Variants in FILIP1 observed in about 807,000 individuals in gnomAD.
FILIP1 encodes the protein filamin-A-interacting protein 1.
In FILIP1, 61 loss-of-function variants were observed where a neutral mutation model predicts 102.1. The ratio of observed to expected loss-of-function variants is 0.60; its 90% CI spans 0.49 to 0.74. The LOEUF is 0.74. Ranked by LOEUF, FILIP1 falls within the 30% of genes least tolerant of loss-of-function variation. FILIP1 has a pLI of 0.00. For missense variants in FILIP1, 1,314 were observed against 1,441.2 expected (o/e 0.91, Z 1.43); for synonymous variants, 491 against 526.9 (o/e 0.93, Z 0.93).
intron 1 of FILIP1, among the ~76,000 whole-genome samples, chr6:75,419,291 C>G (rs1161369652): frequency 6.6e-6 from 1 of 152,034 alleles, no homozygotes; most frequent in African/African-American, 2.4e-5. Context: ...CAACATTGGT[C>G]AAAATACTCC....
intron 2 of FILIP1, among the ~76,000 whole-genome samples, chr6:75,378,539 G>A (rs1029254421): frequency 6.6e-6 from 1 of 152,146 alleles, no homozygotes; most frequent in African/African-American, 2.4e-5. Flanking sequence ...TTAGCATCCC[G>A]AATCTCTCAG....
At chr6:75,421,195 A>G (rs1427460542) in intron 1 of FILIP1, among the ~76,000 whole-genome samples, 2 of 152,184 alleles carry the variant, frequency 1.3e-5, no homozygotes, top group Non-Finnish European at 2.9e-5. Context: ...GAAACAAAAG[A>G]TGACAGAGAA....
rs974803954 is a variant in FILIP1 at position 75,313,656 on chromosome 6, C to G, written c.2176G>C (p.Ala726Pro). The G allele has an allele frequency of 1.9e-6, 3 of 1,580,050 alleles. No individual in the cohort carries two copies. The African/African-American group carries it at 4.1e-5, about 22-fold the overall frequency. Residue 726 changes from alanine (A) to proline (P), a missense_variant, in exon 5 of 6, where the codon GCT (alanine) becomes CCT (proline). Ala to Pro is a conservative substitution (Grantham distance 27). Around this residue, in one of 3 missense-constraint regions of FILIP1, gnomAD observed 816 missense variants for 913.1 expected, o/e 0.89. Coordinates refer to ENST00000237172, the MANE Select transcript of FILIP1 (RefSeq NM_015687.5). This position sits in a 1 kb window ranked among gnomAD's most constrained non-coding sequence, Gnocchi z 4.2. The part of the protein sequence containing the change: ...KSRDLKAEVQ[A>P]LKEKIHELMN... Reference sequence around the variant, plus strand: ...AATTCGTGAATCTTCTCTTTAAGAGCTTGTACTTCGGCTTTTAAGTCTCGA... The same window carrying G: ...AATTCGTGAATCTTCTCTTTAAGAGGTTGTACTTCGGCTTTTAAGTCTCGA...
intron 1 of FILIP1, among the ~76,000 whole-genome samples, chr6:75,432,919 C>T (rs921349246): frequency 6.6e-6 from 1 of 151,980 alleles, no homozygotes. Flanking sequence ...TGAGTGAGAA[C>T]ATGTGGTGTT....
At chr6:75,345,672 T>C (rs1264438671) in intron 4 of FILIP1, among the ~76,000 whole-genome samples, 11 of 152,170 alleles carry the variant, frequency 7.2e-5, no homozygotes, top group Admixed American at 7.2e-4. Context: ...AATCAGACAC[T>C]GCCTCCTCAA....
At chr6:75,395,194 T>C (rs1470406776) in intron 2 of FILIP1, among the ~76,000 whole-genome samples, 2 of 152,212 alleles carry the variant, frequency 1.3e-5, no homozygotes, top group African/African-American at 4.8e-5. Context: ...TAGTATATGC[T>C]TCCATATATT....
chr6:75,333,670 C>T (rs938412746), intron 4 of FILIP1, among the ~76,000 whole-genome samples: 6 of 152,110 alleles, frequency 3.9e-5, no homozygotes, highest in Non-Finnish European at 8.8e-5. Context: ...TTCTATAAAA[C>T]GGGTCATGTG....
chr6:75,319,181 A>G, intron 4 of FILIP1: 1 of 733,612 alleles, frequency 1.4e-6, no homozygotes, highest in South Asian at 1.4e-5. Flanking sequence ...TTAGCTTGAT[A>G]TGCAGCAATA....
chr6:75,297,408 T>TC (rs774359412), intron 6 of FILIP1, among the ~76,000 whole-genome samples: 9 of 152,178 alleles, frequency 5.9e-5, no homozygotes, highest in Non-Finnish European at 8.8e-5. Flanking sequence ...TTCCATTTTT[T>TC]CCCTCAGCCT....
At chr6:75,402,199 AG>A (rs1776681880) in intron 2 of FILIP1, among the ~76,000 whole-genome samples, 1 of 152,194 alleles carries the variant, frequency 6.6e-6, no homozygotes, top group Non-Finnish European at 1.5e-5. Flanking sequence ...TGATTCTATT[AG>A]GAGTCCTAAA....
At chr6:75,298,473 C>T (rs562812970) in intron 6 of FILIP1, among the ~76,000 whole-genome samples, 2 of 152,064 alleles carry the variant, frequency 1.3e-5, no homozygotes, top group Admixed American at 1.3e-4. Flanking sequence ...GAGATAAAAT[C>T]TGTATGATAC....
intron 4 of FILIP1, among the ~76,000 whole-genome samples, chr6:75,327,365 A>G (rs1167599670): frequency 2.0e-5 from 3 of 151,978 alleles, no homozygotes; most frequent in East Asian, 1.9e-4. Flanking sequence ...CTGACTCCCA[A>G]CTTCCACTCT....
At chr6:75,326,619 T>C (rs1346057574) in intron 4 of FILIP1, among the ~76,000 whole-genome samples, 1 of 152,224 alleles carries the variant, frequency 6.6e-6, no homozygotes, top group East Asian at 1.9e-4. Context: ...GAGAGCTTTA[T>C]TATTTCATTT....
intron 4 of FILIP1, among the ~76,000 whole-genome samples, chr6:75,333,850 G>A (rs139916575): frequency 2.6e-5 from 4 of 152,218 alleles, no homozygotes; most frequent in Admixed American, 6.5e-5. Context: ...TAAAGTTCAA[G>A]TTTTTACACA....
At position 75,490,397 on chromosome 6, in the gene FILIP1, C is replaced by T. The variant is rs111486849; in HGVS notation, c.-7+3017G>A. On this transcript the variant is annotated intron_variant, in intron 1 of 5. Transcript: ENST00000237172. ...TCACTCAATAAGGCTACAGTTTTCA[C>T]GAGCAATTAAATACTGAAAAATGTC... 5.2e-3 allele frequency among the ~76,000 whole-genome samples: 794 copies of T among 152,022 alleles called. 11 individuals carry two copies. Among genetic ancestry groups the T allele is most frequent in the African/African-American group, 0.018 (749 of 41,486 alleles).
Position 75,312,816 on chromosome 6 carries a change from G to T in FILIP1, c.3016C>A (p.Pro1006Thr). Residue 1006 changes from proline to threonine, a missense_variant, in exon 5 of 6, where the codon CCT becomes ACT. Physicochemically the swap from Pro to Thr is conservative, Grantham distance 38. This residue lies in a region of FILIP1 where 816 missense variants were observed against 913.1 expected (regional missense o/e 0.89). Transcript: ENST00000237172. Reference protein sequence around the residue: ...RGAFADRPTSPIQIMTVSTSA... With the variant: ...RGAFADRPTSTIQIMTVSTSA... ...GTAGACACCGTCATTATCTGAATAGGGGATGTGGGCCTGTCTGCAAATGCG... is the reference window on the plus strand; with the variant it reads ...GTAGACACCGTCATTATCTGAATAGTGGATGTGGGCCTGTCTGCAAATGCG... 2 of 1,614,120 alleles carry T rather than the reference G, an allele frequency of 1.2e-6. No homozygotes were observed. The highest frequency in any genetic ancestry group is 1.7e-6 in the Non-Finnish European group (2 of 1,180,030).
At chr6:75,316,627 TGTC>T (rs1388865051) in intron 4 of FILIP1, among the ~76,000 whole-genome samples, 2 of 152,186 alleles carry the variant, frequency 1.3e-5, no homozygotes, top group East Asian at 1.9e-4. Flanking sequence ...GCTCTGATCA[TGTC>T]GTTAAGATTT....
At chr6:75,295,176 T>C (rs1369647324) in exon 7 of FILIP1, 1 of 152,218 alleles carries the variant, frequency 6.6e-6, no homozygotes, top group Non-Finnish European at 1.5e-5. Context: ...GCTGTTCTTA[T>C]TGCCCTTACT....
At chr6:75,468,570 C>A (rs1779240075) in intron 1 of FILIP1, among the ~76,000 whole-genome samples, 1 of 152,134 alleles carries the variant, frequency 6.6e-6, no homozygotes. Flanking sequence ...ACATTTCTTG[C>A]AGAATGCAAT....
Sources: allele counts gnomAD v4.1 joint callset (sites outside exome capture counted in the v4.1 genomes callset), GRCh38; gene constraint gnomAD v4.1.1; regional missense constraint gnomAD v4.1.1; non-coding constraint Gnocchi (gnomAD v3.1); transcripts MANE v1.5; gene names NCBI Gene and HGNC (gene_info 2026-07-23, HGNC 2026-07-21).